The following CADPS variants were observed in gnomAD, a reference collection of about 807,000 sequenced individuals.
CADPS encodes the protein calcium dependent secretion activator.
A neutral mutation model predicts 167.3 loss-of-function variants in CADPS; 57 were observed. The observed-to-expected ratio is 0.34, with a 90% CI of 0.28 to 0.42. CADPS has a LOEUF of 0.42. Among genes scored for constraint, CADPS ranks in the 20% least tolerant of loss-of-function variants. CADPS has a pLI of 1.00. For missense variants in CADPS, 1,414 were observed against 1,738.1 expected (o/e 0.81, Z 3.32); for synonymous variants, 676 against 635.3 (o/e 1.06, Z -0.96).
chr3:62,708,806 G>A (rs1331191780), intron 3 of CADPS, among the ~76,000 whole-genome samples: 1 of 152,062 alleles, frequency 6.6e-6, no homozygotes, highest in Non-Finnish European at 1.5e-5. Context: ...GACATCTGCA[G>A]TAGCTGAACA....
At chr3:62,590,531 T>C (rs1562563930) in intron 7 of CADPS, among the ~76,000 whole-genome samples, 1 of 152,238 alleles carries the variant, frequency 6.6e-6, no homozygotes, top group Non-Finnish European at 1.5e-5. Flanking sequence ...TTTTTTGTTT[T>C]TGCTGTTAGC....
chr3:62,745,826 G>A (rs1261994747), intron 3 of CADPS, among the ~76,000 whole-genome samples: 1 of 152,190 alleles, frequency 6.6e-6, no homozygotes, highest in Non-Finnish European at 1.5e-5. Context: ...ATTTTGTGCT[G>A]AGCATTGTGC....
Position 62,660,122 on chromosome 3 carries a change from T to C in CADPS, c.969+2192A>G, listed in dbSNP as rs1260809824. ...GATGAGCATCTTGGCTCATCCAGGT[T>C]CTATTAAAAATTAAAATTAGCCTAA... is the stretch of plus-strand genomic sequence containing the variant. On this transcript the variant is annotated intron_variant, in intron 4 of 29. Transcript: ENST00000383710. Among the ~76,000 whole-genome samples, 3 of 151,942 alleles carry C rather than the reference T, an allele frequency of 2.0e-5. No homozygotes were observed. In the East Asian group the frequency reaches 5.9e-4, roughly 30 times the overall value.
intron 11 of CADPS, among the ~76,000 whole-genome samples, chr3:62,541,502 A>T (rs1202933759): frequency 6.6e-6 from 1 of 152,170 alleles, no homozygotes; most frequent in Non-Finnish European, 1.5e-5. Flanking sequence ...TCTATGACAT[A>T]GATGCAGGTT....
chr3:62,820,222 A>C (rs9311850), intron 1 of CADPS, among the ~76,000 whole-genome samples: 1 of 152,044 alleles, frequency 6.6e-6, no homozygotes, highest in Non-Finnish European at 1.5e-5. Flanking sequence ...CACTGGGCTC[A>C]ATCTGAAAAT....
At chr3:62,469,225 GA>G (rs1427250756) in intron 24 of CADPS, among the ~76,000 whole-genome samples, 1 of 152,130 alleles carries the variant, frequency 6.6e-6, no homozygotes, top group Non-Finnish European at 1.5e-5. Context: ...CAGAATACGT[GA>G]ATCCCTTTTG....
intron 1 of CADPS, among the ~76,000 whole-genome samples, chr3:62,805,604 A>C (rs188438700): frequency 6.6e-6 from 1 of 152,258 alleles, no homozygotes; most frequent in Admixed American, 6.5e-5. Context: ...AGCACTAACT[A>C]TATGTAAAGC....
intron 7 of CADPS, among the ~76,000 whole-genome samples, chr3:62,589,699 G>A (rs2085484855): frequency 1.3e-5 from 2 of 152,170 alleles, no homozygotes; most frequent in Admixed American, 6.5e-5. Flanking sequence ...GCCCATGCAT[G>A]GGTCCCTGAC....
At chr3:62,849,030 C>T (rs62242387) in intron 1 of CADPS, among the ~76,000 whole-genome samples, 21,524 of 146,902 alleles carry the variant, frequency 0.15, 1,659 homozygotes, top group Middle Eastern at 0.19. Flanking sequence ...GTATTTTATT[C>T]TCTTTGAAGC....
chr3:62,458,301 G>A lies in CADPS; in HGVS notation c.3636+7066C>T, dbSNP rs989733670. On this transcript the variant is annotated intron_variant, in intron 26 of 29. Coordinates refer to ENST00000383710, the MANE Select transcript of CADPS (RefSeq NM_003716.4). This position sits in a 1 kb window ranked among gnomAD's most constrained non-coding sequence, Gnocchi z 4.6. ...GATGAAGAAACCAAGGCTCAGAAACGGTCAATAGCCTGCCTACGTTTCTGT... is the reference window on the plus strand; with the variant it reads ...GATGAAGAAACCAAGGCTCAGAAACAGTCAATAGCCTGCCTACGTTTCTGT... 1.3e-5 allele frequency among the ~76,000 whole-genome samples: 2 copies of A among 152,160 alleles called. No homozygotes were observed. The highest frequency in any genetic ancestry group is 3.4e-3 in the Middle Eastern group (1 of 294).
chr3:62,637,810 T>C (rs1433328479), intron 6 of CADPS, among the ~76,000 whole-genome samples: 2 of 152,154 alleles, frequency 1.3e-5, no homozygotes, highest in Non-Finnish European at 2.9e-5. Context: ...TTCACCTCTC[T>C]GGATTTCAAT....
chr3:62,441,386 C>T (rs904627157), intron 27 of CADPS, among the ~76,000 whole-genome samples: 5 of 152,172 alleles, frequency 3.3e-5, no homozygotes, highest in Non-Finnish European at 7.3e-5. Flanking sequence ...TTGCCCCTAC[C>T]GGAATACTTC....
intron 24 of CADPS, among the ~76,000 whole-genome samples, chr3:62,471,650 G>C (rs2060637765): frequency 6.6e-6 from 1 of 152,104 alleles, no homozygotes; most frequent in South Asian, 2.1e-4. Flanking sequence ...GACTGCAAAA[G>C]CTGCTGAGGA....
At chr3:62,828,104 C>A (rs2074394019) in intron 1 of CADPS, among the ~76,000 whole-genome samples, 1 of 152,140 alleles carries the variant, frequency 6.6e-6, no homozygotes, top group African/African-American at 2.4e-5. Context: ...GGTTCCCAAC[C>A]ATTAAATGCC....
chr3:62,739,444 T>C (rs2152281340), intron 3 of CADPS, among the ~76,000 whole-genome samples: 1 of 152,308 alleles, frequency 6.6e-6, no homozygotes, highest in Admixed American at 6.5e-5. Flanking sequence ...TTAAGGATTG[T>C]TTGTTATGCA....
At chr3:62,477,563 A>G (rs1474383333) in intron 23 of CADPS, among the ~76,000 whole-genome samples, 1 of 152,158 alleles carries the variant, frequency 6.6e-6, no homozygotes, top group Non-Finnish European at 1.5e-5. Flanking sequence ...TGCTGAATGG[A>G]TGAATGTTGT....
intron 28 of CADPS, among the ~76,000 whole-genome samples, chr3:62,408,747 A>G (rs1024328099): frequency 4.6e-5 from 7 of 152,330 alleles, no homozygotes; most frequent in African/African-American, 1.7e-4. Flanking sequence ...TGTTTTCAGA[A>G]CAAGCCATAT....
chr3:62,584,440 C>T (rs1231453447), intron 8 of CADPS, among the ~76,000 whole-genome samples: 1 of 152,212 alleles, frequency 6.6e-6, no homozygotes, highest in Non-Finnish European at 1.5e-5. Flanking sequence ...TGGCAGCGTA[C>T]CTGCAGAATA....
At chr3:62,707,271 C>G (rs941559450) in intron 3 of CADPS, among the ~76,000 whole-genome samples, 4 of 152,098 alleles carry the variant, frequency 2.6e-5, no homozygotes, top group African/African-American at 4.8e-5. Context: ...TTATGAGAAT[C>G]TAACTAATGC....
Sources: allele counts gnomAD v4.1 joint callset (sites outside exome capture counted in the v4.1 genomes callset), GRCh38; gene constraint gnomAD v4.1.1; non-coding constraint Gnocchi (gnomAD v3.1); transcripts MANE v1.5; gene names NCBI Gene and HGNC (gene_info 2026-07-23, HGNC 2026-07-21).